LRRN1: variants seen among roughly 807,000 people sequenced by gnomAD.
The protein encoded by LRRN1 is leucine-rich repeat neuronal protein 1.
Under a neutral mutation model 45.8 loss-of-function variants are expected in LRRN1, and 14 were observed. That is an observed-to-expected ratio of 0.31 (90% CI 0.20 to 0.48). The LOEUF (loss-of-function observed/expected upper bound fraction) is 0.48. Among genes scored for constraint, LRRN1 ranks in the 20% least tolerant of loss-of-function variants. The pLI is 0.99. For missense variants in LRRN1, 789 were observed against 874.2 expected, an observed-to-expected ratio of 0.90 and a Z score of 1.23; for synonymous variants, 359 against 330.1, an observed-to-expected ratio of 1.09 and a Z score of -0.95.
chr3:3,841,673 C>A (rs1428059957), intron 1 of LRRN1, among the ~76,000 whole-genome samples: 2 of 152,028 alleles, frequency 1.3e-5, no homozygotes, highest in Non-Finnish European at 2.9e-5. Context: ...CACGTACCAC[C>A]ACGCCTAGCT....
intron 1 of LRRN1, among the ~76,000 whole-genome samples, chr3:3,829,717 G>A (rs1418881606): frequency 6.6e-6 from 1 of 152,204 alleles, no homozygotes; most frequent in Non-Finnish European, 1.5e-5. Context: ...TAGCCGTAAA[G>A]TGAGTGTCTT....
chr3:3,844,064 T>C (rs1357052707), intron 1 of LRRN1, among the ~76,000 whole-genome samples: 3 of 152,170 alleles, frequency 2.0e-5, no homozygotes, highest in Admixed American at 6.5e-5. Context: ...TGTGTGTGCA[T>C]GTTTAGTGAC....
chr3:3,835,167 C>T (rs1180863806), intron 1 of LRRN1, among the ~76,000 whole-genome samples: 1 of 152,098 alleles, frequency 6.6e-6, no homozygotes, highest in Non-Finnish European at 1.5e-5. Flanking sequence ...CCTGATACAC[C>T]CATCTTAAGT....
intron 1 of LRRN1, among the ~76,000 whole-genome samples, chr3:3,834,156 C>A (rs1347005945): frequency 6.6e-6 from 1 of 152,036 alleles, no homozygotes; most frequent in African/African-American, 2.4e-5. Context: ...CCATCATTTT[C>A]TTTCATCACT....
intron 1 of LRRN1, among the ~76,000 whole-genome samples, chr3:3,832,306 A>G (rs1693390030): frequency 6.6e-6 from 1 of 152,176 alleles, no homozygotes; most frequent in Admixed American, 6.5e-5. Context: ...TCTCACCATA[A>G]TAGCCTTCCA....
chr3:3,805,439 C>T (rs936736845), intron 1 of LRRN1, among the ~76,000 whole-genome samples: 21 of 152,206 alleles, frequency 1.4e-4, no homozygotes, highest in African/African-American at 5.1e-4. Context: ...GGCGCAGGCT[C>T]AATTCCCAGC....
At chr3:3,813,693 C>A (rs1360958976) in intron 1 of LRRN1, among the ~76,000 whole-genome samples, 1 of 152,110 alleles carries the variant, frequency 6.6e-6, no homozygotes, top group African/African-American at 2.4e-5. Flanking sequence ...TATTTTCACC[C>A]TGAAAATCCC....
chr3:3,810,320 T>C (rs1692848241), intron 1 of LRRN1, among the ~76,000 whole-genome samples: 1 of 152,182 alleles, frequency 6.6e-6, no homozygotes, highest in South Asian at 2.1e-4. Flanking sequence ...TTCACCTCTC[T>C]GCCTCCACTG....
intron 1 of LRRN1, among the ~76,000 whole-genome samples, chr3:3,823,669 G>A (rs1693153752): frequency 6.6e-6 from 1 of 152,124 alleles, no homozygotes; most frequent in Non-Finnish European, 1.5e-5. Flanking sequence ...AAAAGAGGGG[G>A]AAACCAGGGC....
chr3:3,844,401 T>C lies in LRRN1; in HGVS notation c.-241T>C, dbSNP rs1049050065. On this transcript the variant is annotated 5_prime_UTR_variant, in exon 2 of 2. It removes an upstream start codon present in the reference 5' UTR. Transcript: ENST00000319331. ...ACTTCAATTTGGCTGAAATAATTCA[T>C]GCCACGGACCTGTGCACATGCCTGG... 2 of 430,436 alleles carry C rather than the reference T, an allele frequency of 4.6e-6. No individual in the cohort carries two copies. Among genetic ancestry groups the C allele is most frequent in the African/African-American group, 4.0e-5 (2 of 50,014 alleles). 26.7% of individuals were successfully genotyped at this position (430,436 alleles called of 1,614,324 possible).
chr3:3,800,790 C>A (rs990780135), intron 1 of LRRN1: 3 of 152,496 alleles, frequency 2.0e-5, no homozygotes, highest in Non-Finnish European at 4.4e-5. Flanking sequence ...AGGACGTTTG[C>A]CAGGTGGCCT....
rs562021878 is a variant in LRRN1, at chr3:3,817,732, GATA to G, written c.-279+17816_-279+17818del. On this transcript the variant is annotated intron_variant, in intron 1 of 1. Coordinates refer to ENST00000319331, the MANE Select transcript of LRRN1 (RefSeq NM_020873.7). The stretch of plus-strand genomic sequence containing the variant: ...AAATAAAAATGTTGTTAAAATGTCA[GATA>G]ATTAGTACAGATTACTACTGGTTTA... Among the ~76,000 whole-genome samples, 24 of 151,910 alleles carry G rather than the reference GATA, an allele frequency of 1.6e-4. No homozygotes were observed. The East Asian group carries it at 4.6e-3, about 29-fold the overall frequency.
chr3:3,802,723 A>G (rs1323891182), intron 1 of LRRN1, among the ~76,000 whole-genome samples: 1 of 152,222 alleles, frequency 6.6e-6, no homozygotes, highest in African/African-American at 2.4e-5. Context: ...AAATCATTCT[A>G]ATAAACTCTT....
chr3:3,827,511 T>C (rs1455319090), intron 1 of LRRN1: 2 of 456,486 alleles, frequency 4.4e-6, no homozygotes, highest in Non-Finnish European at 8.8e-6. Flanking sequence ...TCTTAAACTC[T>C]GTAAGGCAAG....
In LRRN1 at chr3:3,849,198, G is replaced by T. The variant is rs1161384519; in HGVS notation, c.*2406G>T. 6.6e-6 allele frequency among the ~76,000 whole-genome samples: 1 copy of T among 152,168 alleles called. No individual in the cohort carries two copies. The highest frequency in any genetic ancestry group is 1.5e-5 in the Non-Finnish European group (1 of 68,036). On this transcript the variant is annotated 3_prime_UTR_variant, in exon 2 of 2. Transcript: ENST00000319331. ...AAACATTTGAACTTACACAGAATGA[G>T]CACTTAAATACGGGTGCAATAAATG...
chr3:3,844,854 T>C lies in LRRN1; in HGVS notation c.213T>C (p.Ser71=). ...LRLTRIPSNL[S]SDTQVLLLQS... ...TAACAAGGATTCCCAGTAACCTCTC[T>C]AGTGACACACAAGTGCTTCTCTTAC... The change falls in exon 2 of 2, where the codon TCT becomes TCC. Residue 71 remains serine, a synonymous_variant. Coordinates refer to ENST00000319331, the MANE Select transcript of LRRN1 (RefSeq NM_020873.7). 6.2e-7 allele frequency: 1 copy of C among 1,614,188 alleles called. No homozygotes were observed. The highest frequency in any genetic ancestry group is 8.5e-7 in the Non-Finnish European group (1 of 1,180,020).
chr3:3,801,834 G>C (rs529960186), intron 1 of LRRN1, among the ~76,000 whole-genome samples: 1 of 152,340 alleles, frequency 6.6e-6, no homozygotes, highest in Non-Finnish European at 1.5e-5. Flanking sequence ...GAAAAGGTTT[G>C]TGTGAAGCAG....
chr3:3,845,529 T>C lies in LRRN1; in HGVS notation c.888T>C (p.Asn296=). Residue 296 remains asparagine (N), a synonymous_variant, in exon 2 of 2, where the codon AAT becomes AAC. Coordinates refer to ENST00000319331, the MANE Select transcript of LRRN1 (RefSeq NM_020873.7). The surrounding 1 kb of genome is among the most constrained non-coding windows in gnomAD (Gnocchi z 6.5). ...MLRLKELGIN[N]MGELVSVDRY... ...GGTTAAAAGAACTGGGAATCAACAATATGGGCGAGCTCGTTTCTGTCGACC... is the reference window on the plus strand; with the variant it reads ...GGTTAAAAGAACTGGGAATCAACAACATGGGCGAGCTCGTTTCTGTCGACC... 6.2e-7 allele frequency: 1 copy of C among 1,614,040 alleles called. No homozygotes were observed.
chr3:3,817,142 G>A (rs751402463), intron 1 of LRRN1, among the ~76,000 whole-genome samples: 1 of 152,088 alleles, frequency 6.6e-6, no homozygotes, highest in Non-Finnish European at 1.5e-5. Context: ...TTTGTATTCT[G>A]CTCCCCATCC....
Sources: allele counts gnomAD v4.1 joint callset (sites outside exome capture counted in the v4.1 genomes callset), GRCh38; gene constraint gnomAD v4.1.1; non-coding constraint Gnocchi (gnomAD v3.1); transcripts MANE v1.5; gene names NCBI Gene and HGNC (gene_info 2026-07-23, HGNC 2026-07-21).